The following ECT2 variants were observed in gnomAD, a reference collection of about 807,000 sequenced individuals.
The protein encoded by ECT2 is epithelial cell transforming 2, also known as protein ECT2.
Under a neutral mutation model 116.9 loss-of-function variants are expected in ECT2, and 61 were observed. The observed-to-expected ratio is 0.52, with a 90% CI of 0.42 to 0.65. ECT2 has a LOEUF of 0.65. Ranked by LOEUF, ECT2 falls within the 30% of genes least tolerant of loss-of-function variation. The pLI is 0.00. For missense variants in ECT2, 937 were observed against 1,078.7 expected (o/e 0.87, Z 1.84); for synonymous variants, 358 against 346.4 (o/e 1.03, Z -0.37).
intron 23 of ECT2, among the ~76,000 whole-genome samples, chr3:172,816,371 A>G (rs965337903): frequency 2.6e-5 from 4 of 152,130 alleles, no homozygotes; most frequent in African/African-American, 9.7e-5. Context: ...TCACTCTTTC[A>G]ATAAAGAAAT....
At chr3:172,794,630 A>ACAG (rs1461680122) in intron 18 of ECT2, among the ~76,000 whole-genome samples, 1 of 152,120 alleles carries the variant, frequency 6.6e-6, no homozygotes, top group Non-Finnish European at 1.5e-5. Context: ...CCAAACAACA[A>ACAG]CAACAACAAC....
At chr3:172,798,871 A>G (rs1174960444) in intron 18 of ECT2, among the ~76,000 whole-genome samples, 1 of 152,202 alleles carries the variant, frequency 6.6e-6, no homozygotes, top group Non-Finnish European at 1.5e-5. Flanking sequence ...CTGAAATGTC[A>G]TATTTGACAA....
chr3:172,756,435 C>G (rs1471811475), intron 4 of ECT2, among the ~76,000 whole-genome samples: 1 of 152,110 alleles, frequency 6.6e-6, no homozygotes, highest in Non-Finnish European at 1.5e-5. Flanking sequence ...GCTGCAACTG[C>G]TACATATTGC....
At chr3:172,762,208 A>C (rs1718443024) in intron 8 of ECT2, among the ~76,000 whole-genome samples, 1 of 152,188 alleles carries the variant, frequency 6.6e-6, no homozygotes, top group African/African-American at 2.4e-5. Flanking sequence ...ATCTGTGATC[A>C]CATTTTGTCA....
At chr3:172,778,392 T>C (rs577035875) in intron 14 of ECT2, among the ~76,000 whole-genome samples, 1 of 152,250 alleles carries the variant, frequency 6.6e-6, no homozygotes, top group East Asian at 1.9e-4. Flanking sequence ...AGTGGTATTA[T>C]GAATAAAGCT....
intron 11 of ECT2, 130 bp downstream of exon 11, chr3:172,763,102 A>G (rs113212886): frequency 1.8e-5 from 16 of 872,956 alleles, no homozygotes; most frequent in Non-Finnish European, 2.5e-5. Context: ...ATATCAAGTT[A>G]TCTTAGTCTA....
At chr3:172,798,211 A>G (rs554702501) in intron 18 of ECT2, among the ~76,000 whole-genome samples, 28 of 152,228 alleles carry the variant, frequency 1.8e-4, no homozygotes, top group African/African-American at 5.8e-4. Context: ...ATGTTTCACA[A>G]ATTGTGTAAG....
intron 13 of ECT2, 133 bp downstream of exon 13, chr3:172,769,276 G>C: frequency 1.1e-6 from 1 of 903,890 alleles, no homozygotes; most frequent in Non-Finnish European, 1.6e-6. Flanking sequence ...ATGGAATTGT[G>C]TGACAAAAAC....
At chr3:172,817,205 G>A (rs190570587) in intron 24 of ECT2, among the ~76,000 whole-genome samples, 1 of 152,190 alleles carries the variant, frequency 6.6e-6, no homozygotes, top group Non-Finnish European at 1.5e-5. Flanking sequence ...CATGATGCTA[G>A]GGGAGAGGAG....
chr3:172,792,850 T>C (rs1724926817), intron 18 of ECT2, among the ~76,000 whole-genome samples: 1 of 152,158 alleles, frequency 6.6e-6, no homozygotes, highest in Admixed American at 6.5e-5. Flanking sequence ...TTTGAGTAGC[T>C]GGGACTACAG....
chr3:172,794,862 G>A (rs576206775), intron 18 of ECT2, among the ~76,000 whole-genome samples: 2 of 151,948 alleles, frequency 1.3e-5, no homozygotes, highest in African/African-American at 2.4e-5. Context: ...CTACAGGTGC[G>A]CACCATCACA....
In ECT2 at chr3:172,773,927, G is replaced by A. The variant is rs1721159925; in HGVS notation, c.1453G>A (p.Glu485Lys). The A allele has an allele frequency of 6.2e-7, 1 of 1,613,396 alleles. No homozygotes were observed. ...IQLFQVPLEE[E>K]GQRGGPILAP... ...GTTATTTCAAGTACCATTGGAAGAG[G>A]AAGGACAACGTGGTGGACCTATCCT... The change falls in exon 14 of 25, where the codon GAA becomes AAA. Residue 485 changes from glutamate (E) to lysine (K), a missense_variant. Coordinates refer to ENST00000392692, the MANE Select transcript of ECT2 (RefSeq NM_001258315.2).
chr3:172,809,574 C>G (rs1284264387), intron 22 of ECT2, among the ~76,000 whole-genome samples: 1 of 138,182 alleles, frequency 7.2e-6, no homozygotes, highest in Admixed American at 7.0e-5. Context: ...TATCTACACA[C>G]ACACACACAC....
At chr3:172,814,840 T>A (rs547178844) in intron 22 of ECT2, among the ~76,000 whole-genome samples, 1 of 152,164 alleles carries the variant, frequency 6.6e-6, no homozygotes, top group African/African-American at 2.4e-5. Flanking sequence ...TTTTGAAATA[T>A]ACAATGCAAT....
At chr3:172,797,962 G>A (rs1162142443) in intron 18 of ECT2, among the ~76,000 whole-genome samples, 2 of 151,984 alleles carry the variant, frequency 1.3e-5, no homozygotes, top group African/African-American at 4.8e-5. Flanking sequence ...ATCCTGTTTT[G>A]ATCAAATGTC....
rs1251452027 is a variant in ECT2, at chr3:172,782,687, C to T, written c.1617+456C>T. Among the ~76,000 whole-genome samples the T allele has an allele frequency of 2.0e-5, 3 of 152,182 alleles. No homozygotes were observed. The South Asian group carries it at 6.2e-4, about 32-fold the overall frequency. On this transcript the variant is annotated intron_variant, in intron 15 of 24. Coordinates refer to ENST00000392692, the MANE Select transcript of ECT2 (RefSeq NM_001258315.2). ...TATTTTTCCTGTTCCTCTCCTTCCT[C>T]CTACCCTCCACCTTCCAGTAGGCCC...
At chr3:172,811,854 A>G (rs1728812605) in intron 22 of ECT2, among the ~76,000 whole-genome samples, 1 of 152,278 alleles carries the variant, frequency 6.6e-6, no homozygotes, top group Admixed American at 6.5e-5. Context: ...GATCAAATAT[A>G]CAACAGTATA....
At chr3:172,758,891 G>C (rs753991724) in intron 5 of ECT2, 89 bp from the exon 6 acceptor site, 79 of 1,129,376 alleles carry the variant, frequency 7.0e-5, no homozygotes, top group Non-Finnish European at 9.6e-5. Flanking sequence ...AATGGCAAGA[G>C]GGGAAATGAA....
intron 20 of ECT2, among the ~76,000 whole-genome samples, chr3:172,804,555 A>G (rs12107448): frequency 0.061 from 9,276 of 152,174 alleles, 949 homozygotes; most frequent in African/African-American, 0.21. Context: ...TCGCATCATC[A>G]TGGGGTTTTA....
Sources: allele counts gnomAD v4.1 joint callset (sites outside exome capture counted in the v4.1 genomes callset), GRCh38; gene constraint gnomAD v4.1.1; transcripts MANE v1.5; gene names NCBI Gene and HGNC (gene_info 2026-07-23, HGNC 2026-07-21).